The following MTCL1 variants were observed in gnomAD, a reference collection of about 807,000 sequenced individuals.
MTCL1 encodes the protein microtubule cross-linking factor 1.
MTCL1 carries 79 observed loss-of-function variants against 141.4 expected under a neutral mutation model. That is an observed-to-expected ratio of 0.56 (90% CI 0.47 to 0.67). The LOEUF is 0.67. Ranked by LOEUF, MTCL1 falls within the 30% of genes least tolerant of loss-of-function variation. The probability of loss-of-function intolerance (pLI) is 0.00; values close to 1 mark genes in which losing one functional copy is unlikely to be tolerated. For synonymous variants in MTCL1, 914 were observed against 875.8 expected (o/e 1.04, Z -0.77); for missense variants, 2,177 against 2,113.9 (o/e 1.03, Z -0.59).
At chr18:8,766,442 G>T (rs886206337) in intron 4 of MTCL1, among the ~76,000 whole-genome samples, 1 of 152,200 alleles carries the variant, frequency 6.6e-6, no homozygotes, top group African/African-American at 2.4e-5. Flanking sequence ...GGCCTGGGGC[G>T]CCCCAGTGGG....
chr18:8,804,153 A>G (rs1043798218), intron 10 of MTCL1, among the ~76,000 whole-genome samples: 1 of 152,150 alleles, frequency 6.6e-6, no homozygotes, highest in Admixed American at 6.5e-5. Context: ...CTACCACAAA[A>G]TGTATGTGAT....
At chr18:8,755,452 C>G (rs1006935192) in intron 4 of MTCL1, among the ~76,000 whole-genome samples, 1 of 152,184 alleles carries the variant, frequency 6.6e-6, no homozygotes, top group African/African-American at 2.4e-5. Flanking sequence ...GAGTGTTACT[C>G]TTTATGAAAT....
chr18:8,824,129 G>A (rs1451986488), intron 14 of MTCL1, among the ~76,000 whole-genome samples: 3 of 152,212 alleles, frequency 2.0e-5, no homozygotes, highest in African/African-American at 7.2e-5. Flanking sequence ...CTTTGCCCTG[G>A]TGGTAGTCGT....
upstream of MTCL1, chr18:8,717,349 C>G (rs1449397259): frequency 1.3e-5 from 2 of 152,326 alleles, no homozygotes; most frequent in Non-Finnish European, 2.9e-5. Flanking sequence ...ATGGAATGAG[C>G]TCTGCAGAGA....
intron 8 of MTCL1, among the ~76,000 whole-genome samples, chr18:8,795,671 G>A (rs527742864): frequency 6.6e-6 from 1 of 152,268 alleles, no homozygotes; most frequent in Middle Eastern, 3.4e-3. Flanking sequence ...TCACTTTTCT[G>A]TTTCCTGGCT....
intron 4 of MTCL1, among the ~76,000 whole-genome samples, chr18:8,748,032 G>A (rs1162812167): frequency 1.3e-5 from 2 of 152,074 alleles, no homozygotes; most frequent in South Asian, 2.1e-4. Context: ...GGTGCCCCTG[G>A]TCTTCCGTCC....
At chr18:8,718,962 T>TTTTTTTTTTTTTTTTTTTTTG (rs2096149569) in intron 3 of MTCL1, among the ~76,000 whole-genome samples, 4 of 150,916 alleles carry the variant, frequency 2.7e-5, no homozygotes, top group African/African-American at 9.9e-5. Context: ...ATATTTTTTT[T>TTTTTTTTTTTTTTTTTTTTTG]AAAAATCTAT....
intron 1 of MTCL1, among the ~76,000 whole-genome samples, chr18:8,709,925 C>T (rs1185827638): frequency 6.6e-6 from 1 of 152,028 alleles, no homozygotes; most frequent in Non-Finnish European, 1.5e-5. Flanking sequence ...CTGCACCCTC[C>T]GCCTCCCAGA....
At position 8,825,921 on chromosome 18, in the gene MTCL1, C is replaced by T. The variant is rs372525674; in HGVS notation, c.4411C>T (p.Arg1471Cys). ...GGGGCTGCGGGCCGGCAGTCGGTCT[C>T]GCTCAGCAGAGCCCCGACCAGAGCT... Residue 1471 changes from arginine to cysteine, a missense_variant, in exon 15 of 17, where the codon CGC (arginine) becomes TGC (cysteine). Coordinates refer to ENST00000359865, the Ensembl canonical transcript of MTCL1. The T allele has an allele frequency of 2.2e-5, 36 of 1,609,176 alleles. No homozygotes were observed. The highest frequency in any genetic ancestry group is 4.5e-5 in the East Asian group (2 of 44,858).
In MTCL1 at chr18:8,720,259, G is replaced by C. The variant is rs558369930; in HGVS notation, c.199-79G>C. On this transcript the variant is annotated intron_variant, in intron 3 of 16. Coordinates refer to ENST00000359865, the Ensembl canonical transcript of MTCL1. ...GTGTAATATATTACTTAATGATTTT[G>C]CCTCTGATGTTGTCTGATAGTACCC... 104 of 1,381,216 alleles carry C rather than the reference G, an allele frequency of 7.5e-5. No homozygotes were observed. The African/African-American group carries it at 1.3e-3, about 18-fold the overall frequency. 85.6% of individuals were successfully genotyped at this position (1,381,216 alleles called of 1,614,324 possible).
At chr18:8,767,676 A>T (rs2096465735) in intron 4 of MTCL1, among the ~76,000 whole-genome samples, 1 of 152,078 alleles carries the variant, frequency 6.6e-6, no homozygotes, top group Non-Finnish European at 1.5e-5. Flanking sequence ...GGCGGAGCAG[A>T]GGTTTAATGG....
At chr18:8,785,663 C>T in intron 6 of MTCL1, 2 of 457,534 alleles carry the variant, frequency 4.4e-6, no homozygotes, top group Non-Finnish European at 3.9e-6. Flanking sequence ...GTGTTTTGCA[C>T]CCCCACTTTC....
Position 8,822,453 on chromosome 18 carries a change from G to A in MTCL1, c.3188+955G>A, listed in dbSNP as rs563202334. 9.2e-5 allele frequency among the ~76,000 whole-genome samples: 14 copies of A among 152,232 alleles called. No individual in the cohort carries two copies. The highest frequency in any genetic ancestry group is 1.6e-4 in the Non-Finnish European group (11 of 68,014). Reference sequence around the variant, plus strand: ...ATTACAGGCAAACCCCACCATACCCGGCTAATTTTTGTCTTTTAATAGAAA... The same window carrying A: ...ATTACAGGCAAACCCCACCATACCCAGCTAATTTTTGTCTTTTAATAGAAA... On this transcript the variant is annotated intron_variant, in intron 14 of 16. Coordinates refer to ENST00000359865, the Ensembl canonical transcript of MTCL1. This position sits in a 1 kb window ranked among gnomAD's most constrained non-coding sequence, Gnocchi z 4.6.
intron 4 of MTCL1, among the ~76,000 whole-genome samples, chr18:8,765,980 G>A (rs1285616684): frequency 6.6e-6 from 1 of 152,128 alleles, no homozygotes; most frequent in African/African-American, 2.4e-5. Flanking sequence ...GAGCCATCCC[G>A]ACACAATGCT....
chr18:8,757,141 A>G lies in MTCL1; in HGVS notation c.358-20692A>G, dbSNP rs555580707. Among the ~76,000 whole-genome samples the G allele has an allele frequency of 6.8e-4, 104 of 152,328 alleles. 1 individual carries two copies. In the South Asian group the frequency reaches 8.9e-3, roughly 13 times the overall value. On this transcript the variant is annotated intron_variant, in intron 4 of 16. Coordinates refer to ENST00000359865, the Ensembl canonical transcript of MTCL1. ...CTGCCTGTGCCTCTTTGGAAAGAGT[A>G]CCTGAGAATGAGAAATTCTGGCTCT...
At chr18:8,722,099 CAATT>C (rs2148819551) in intron 4 of MTCL1, among the ~76,000 whole-genome samples, 2 of 152,014 alleles carry the variant, frequency 1.3e-5, no homozygotes, top group Admixed American at 1.3e-4. Flanking sequence ...ATCTCTGCCT[CAATT>C]AAAGTACCAG....
chr18:8,732,634 C>A (rs566425703), intron 4 of MTCL1, among the ~76,000 whole-genome samples: 1 of 152,104 alleles, frequency 6.6e-6, no homozygotes, highest in Admixed American at 6.5e-5. Context: ...ATTGAAAAGA[C>A]GCCGAGTCAC....
intron 16 of MTCL1, chr18:8,829,146 C>T (rs1039860222): frequency 1.0e-6 from 1 of 985,474 alleles, no homozygotes; most frequent in Non-Finnish European, 1.2e-6. Flanking sequence ...GACTCATCTG[C>T]TCTGCTAGAG....
chr18:8,811,436 T>C (rs1330337795), intron 11 of MTCL1, among the ~76,000 whole-genome samples: 1 of 152,182 alleles, frequency 6.6e-6, no homozygotes, highest in Non-Finnish European at 1.5e-5. Context: ...ACGTGAAGTT[T>C]GGGGGACAAA....
Sources: allele counts gnomAD v4.1 joint callset (sites outside exome capture counted in the v4.1 genomes callset), GRCh38; gene constraint gnomAD v4.1.1; non-coding constraint Gnocchi (gnomAD v3.1); transcripts MANE v1.5; gene names NCBI Gene and HGNC (gene_info 2026-07-23, HGNC 2026-07-21).